The following USP24 variants were observed in gnomAD, a reference collection of about 807,000 sequenced individuals.
USP24 encodes the protein ubiquitin specific peptidase 24.
A neutral mutation model predicts 361.6 loss-of-function variants in USP24; 97 were observed. That is an observed-to-expected ratio of 0.27 (90% CI 0.23 to 0.32). The LOEUF is 0.32. Ranked by LOEUF, USP24 falls within the 10% of genes least tolerant of loss-of-function variation. USP24 has a pLI of 1.00. For synonymous variants in USP24, 1,098 were observed against 1,124.6 expected, an observed-to-expected ratio of 0.98 and a Z score of 0.47; for missense variants, 2,353 against 3,165.6, an observed-to-expected ratio of 0.74 and a Z score of 6.16.
chr1:55,138,793 T>C (rs1646808550), intron 25 of USP24, 75 bp from the exon 26 acceptor site: 1 of 1,313,320 alleles, frequency 7.6e-7, no homozygotes, highest in Non-Finnish European at 1.1e-6. Flanking sequence ...TCTATGTATA[T>C]ATGATGAATG....
Position 55,115,495 on chromosome 1 carries a change from C to CAAAAAA in USP24, c.4508+5095_4508+5100dup, listed in dbSNP as rs1165658382. Among the ~76,000 whole-genome samples, 282 of 45,838 alleles carry CAAAAAA rather than the reference C, an allele frequency of 6.2e-3. 18 individuals are homozygous for CAAAAAA. Among genetic ancestry groups the CAAAAAA allele is most frequent in the African/African-American group, 0.017 (254 of 14,624 alleles). 30.1% of individuals were successfully genotyped at this position (45,838 alleles called of 152,430 possible). Reference sequence around the variant, plus strand: ...TGGGCGACAGAGCGAGACTCCGCCTCAAAAAAAAAAAAAAAAAAAAAGGAA... The same window carrying CAAAAAA: ...TGGGCGACAGAGCGAGACTCCGCCTCAAAAAAAAAAAAAAAAAAAAAAAAAAAGGAA... On this transcript the variant is annotated intron_variant, in intron 38 of 67. Coordinates refer to ENST00000294383, the MANE Select transcript of USP24 (RefSeq NM_015306.3).
chr1:55,142,378 C>CA (rs1557626253), intron 23 of USP24, among the ~76,000 whole-genome samples: 1 of 149,518 alleles, frequency 6.7e-6, no homozygotes, highest in Admixed American at 6.6e-5. Context: ...TGAAGAAAAA[C>CA]AAAAAAAGAA....
intron 1 of USP24, among the ~76,000 whole-genome samples, chr1:55,190,712 G>A (rs1174298265): frequency 6.6e-6 from 1 of 152,172 alleles, no homozygotes; most frequent in Non-Finnish European, 1.5e-5. Flanking sequence ...AAAGATAACG[G>A]ACACAATTCT....
At chr1:55,210,980 T>C (rs540347164) in intron 1 of USP24, among the ~76,000 whole-genome samples, 8 of 152,350 alleles carry the variant, frequency 5.3e-5, no homozygotes, top group African/African-American at 1.4e-4. Flanking sequence ...GTATTCATTA[T>C]AGTATTAATG....
intron 28 of USP24, 37 bp downstream of exon 28, chr1:55,137,478 A>C (rs1314755694): frequency 1.9e-6 from 3 of 1,596,656 alleles, no homozygotes; most frequent in Non-Finnish European, 2.6e-6. Flanking sequence ...GTGACTGTTA[A>C]GTTCTTGTTT....
intron 24 of USP24, among the ~76,000 whole-genome samples, chr1:55,140,409 T>C (rs952803912): frequency 6.6e-6 from 1 of 152,196 alleles, no homozygotes; most frequent in Non-Finnish European, 1.5e-5. Context: ...TGAAAGTCTA[T>C]TTGAGAAATA....
chr1:55,109,412 A>C (rs996102550), intron 39 of USP24, among the ~76,000 whole-genome samples: 1 of 152,226 alleles, frequency 6.6e-6, no homozygotes, highest in Non-Finnish European at 1.5e-5. Context: ...TTTTAGACTT[A>C]GGTGCTGGGA....
intron 1 of USP24, among the ~76,000 whole-genome samples, chr1:55,180,469 C>T (rs1313815080): frequency 1.3e-5 from 2 of 152,140 alleles, no homozygotes; most frequent in Non-Finnish European, 2.9e-5. Flanking sequence ...GGAGCCTTCA[C>T]ATGAGTCCAG....
rs116527897 is a variant in USP24 at position 55,176,523 on chromosome 1, C to T, written c.491-80G>A. On this transcript the variant is annotated intron_variant, in intron 2 of 67. Transcript: ENST00000294383. ...TTAGTAAAATGAATGAAATAATACA[C>T]GTTATTTAGGTCTTTGGTAGTTCGT... 1.3e-4 allele frequency: 174 copies of T among 1,294,556 alleles called. 1 individual carries two copies. In the African/African-American group the frequency reaches 1.5e-3, roughly 11 times the overall value. The allele number at this position is 1,294,556 out of a possible 1,614,324, so 80.2% of individuals were successfully genotyped here. A position where few individuals can be genotyped will look rare whatever the true frequency, so the allele number is the denominator to read the frequency against.
At position 55,085,928 on chromosome 1, in the gene USP24, A is replaced by G. The variant is rs1347233066; in HGVS notation, c.6765+14T>C. The G allele has an allele frequency of 6.2e-7, 1 of 1,611,810 alleles. No individual in the cohort carries two copies. On this transcript the variant is annotated intron_variant, in intron 56 of 67. Coordinates refer to ENST00000294383, the MANE Select transcript of USP24 (RefSeq NM_015306.3). ...AACACAGTGTATAAATAACGTTTTA[A>G]AAATGAGACCGACCTTATCCTGATA...
At chr1:55,073,986 C>G in intron 63 of USP24, 80 bp from the exon 64 acceptor site, 1 of 1,150,446 alleles carries the variant, frequency 8.7e-7, no homozygotes, top group Non-Finnish European at 1.2e-6. Flanking sequence ...CTCTCTTGTT[C>G]TAAAAATCGA....
rs749081012 is a variant in USP24 at position 55,154,448 on chromosome 1, C to T, written c.1573G>A (p.Asp525Asn). Reference protein sequence around the residue: ...LIQKSWETESDRVRQKLLSLI... With the variant: ...LIQKSWETESNRVRQKLLSLI... ...CTCAAAAGCTTCTGTCTTACTCTAT[C>T]ACTCTCAGTCTCCCAGCTCTGTAGA... The change falls in exon 14 of 68, where the codon GAT becomes AAT. Residue 525 changes from aspartate to asparagine, a missense_variant. By Grantham distance (23) the Asp-to-Asn change is conservative. Coordinates refer to ENST00000294383, the MANE Select transcript of USP24 (RefSeq NM_015306.3). 3 of 1,551,342 alleles carry T rather than the reference C, an allele frequency of 1.9e-6. No homozygotes were observed. Among genetic ancestry groups the T allele is most frequent in the Non-Finnish European group, 2.6e-6 (3 of 1,146,824 alleles).
chr1:55,140,001 A>AC lies in USP24; in HGVS notation c.2751-992dup, dbSNP rs536837188. 7.7e-3 allele frequency among the ~76,000 whole-genome samples: 1,164 copies of AC among 150,744 alleles called. 16 individuals carry two copies. Among genetic ancestry groups the AC allele is most frequent in the African/African-American group, 0.026 (1,084 of 41,002 alleles). On this transcript the variant is annotated intron_variant, in intron 24 of 67. Coordinates refer to ENST00000294383, the MANE Select transcript of USP24 (RefSeq NM_015306.3). ...ATGAAATACTGTACAGATGACAGAAACCCCCCCCACCCCAAGTTGGAACAA... is the reference window on the plus strand; with the variant it reads ...ATGAAATACTGTACAGATGACAGAAACCCCCCCCCACCCCAAGTTGGAACAA...
Position 55,125,812 on chromosome 1 carries a change from T to C in USP24, c.3636-54A>G, listed in dbSNP as rs1646412587. On this transcript the variant is annotated intron_variant, in intron 32 of 67. Coordinates refer to ENST00000294383, the MANE Select transcript of USP24 (RefSeq NM_015306.3). ...ATTAAAGACTTCTATTTTTTTTCAT[T>C]TTAAATTTTCCATAAGTAATGTAAT... The C allele has an allele frequency of 1.6e-5, 23 of 1,451,748 alleles. 1 individual carries two copies. The South Asian group carries it at 2.9e-4, about 18-fold the overall frequency. The allele number at this position is 1,451,748 out of a possible 1,614,324, so 89.9% of individuals were successfully genotyped here.
chr1:55,091,392 T>G (rs564114590), intron 54 of USP24, among the ~76,000 whole-genome samples: 1 of 152,066 alleles, frequency 6.6e-6, no homozygotes, highest in African/African-American at 2.4e-5. Context: ...AACCCTCCCT[T>G]TTGTGGAAAA....
chr1:55,112,560 C>G (rs907036591), intron 38 of USP24, among the ~76,000 whole-genome samples: 26 of 152,152 alleles, frequency 1.7e-4, no homozygotes, highest in Admixed American at 7.2e-4. Context: ...GCAGGTTGTT[C>G]AGTTTCCATG....
intron 25 of USP24, 30 bp from the exon 26 acceptor site, chr1:55,138,748 G>C (rs778405976): frequency 6.7e-7 from 1 of 1,500,452 alleles, no homozygotes; most frequent in African/African-American, 1.4e-5. Context: ...AAGTCAGATG[G>C]ACAGCACCAC....
rs1307697473 is a variant in USP24 at position 55,123,570 on chromosome 1, G to A, written c.4153C>T (p.Pro1385Ser). Residue 1385 changes from proline (P) to serine (S), a missense_variant, in exon 36 of 68, where the codon CCA becomes TCA. Physicochemically the swap from Pro to Ser is moderately conservative, Grantham distance 74. Transcript: ENST00000294383. ...CAGATTCCCGCATGCAGGGCTACTGGTTCTCCTTCACTTCCAGAGCTGCAA... is the reference window on the plus strand; with the variant it reads ...CAGATTCCCGCATGCAGGGCTACTGATTCTCCTTCACTTCCAGAGCTGCAA... ...SNCSSGSEGE[P>S]VALHAGICVR... The A allele has an allele frequency of 5.0e-6, 8 of 1,597,960 alleles. No homozygotes were observed. The highest frequency in any genetic ancestry group is 6.8e-6 in the Non-Finnish European group (8 of 1,172,118).
intron 52 of USP24, 97 bp downstream of exon 52, chr1:55,093,840 G>A: frequency 6.7e-7 from 1 of 1,503,580 alleles, no homozygotes; most frequent in Non-Finnish European, 9.0e-7. Context: ...TAGCCCCAGT[G>A]GTACAACTAA....
Sources: gnomAD v4.1 joint callset for allele counts (sites outside exome capture counted in the v4.1 genomes callset) on GRCh38, gnomAD v4.1.1 for gene constraint, MANE v1.5 for transcripts, NCBI Gene and HGNC (gene_info 2026-07-23, HGNC 2026-07-21) for gene names.